WWOX: variants seen among roughly 807,000 people sequenced by gnomAD.
The protein encoded by WWOX is WW domain containing oxidoreductase, also known as WW domain-containing oxidoreductase.
A neutral mutation model predicts 46.2 loss-of-function variants in WWOX; 69 were observed. The observed-to-expected ratio is 1.49, with a 90% confidence interval of 1.23 to 1.82. The LOEUF (loss-of-function observed/expected upper bound fraction) is 1.82. Ranked by LOEUF, WWOX falls within the 40% of genes most tolerant of loss-of-function variation. The pLI is 0.00. For synonymous variants in WWOX, 359 were observed against 202.6 expected (o/e 1.77, Z -6.56); for missense variants, 919 against 542.6 (o/e 1.69, Z -6.89).
At chr16:78,126,488 G>A (rs968594079) in intron 4 of WWOX, among the ~76,000 whole-genome samples, 49 of 152,218 alleles carry the variant, frequency 3.2e-4, no homozygotes, top group African/African-American at 1.2e-3. Context: ...GTTTTTTAAC[G>A]AATTGCCCTT....
chr16:79,030,923 A>G (rs889794165), intron 8 of WWOX, among the ~76,000 whole-genome samples: 1 of 151,956 alleles, frequency 6.6e-6, no homozygotes, highest in Non-Finnish European at 1.5e-5. Context: ...GTCTCTACAA[A>G]AAGTAAAAAA....
chr16:78,908,809 G>A (rs1195613036), intron 8 of WWOX, among the ~76,000 whole-genome samples: 2 of 152,196 alleles, frequency 1.3e-5, no homozygotes, highest in Non-Finnish European at 2.9e-5. Context: ...GGTGCCAGCT[G>A]ATCCATCAAT....
chr16:78,817,172 C>A (rs112425780), intron 8 of WWOX, among the ~76,000 whole-genome samples: 9 of 51,582 alleles, frequency 1.7e-4, no homozygotes, highest in African/African-American at 3.7e-4. Context: ...TAGTGCTATT[C>A]TTTTTTTTTT....
chr16:78,929,332 G>T (rs920403457), intron 8 of WWOX, among the ~76,000 whole-genome samples: 1 of 151,632 alleles, frequency 6.6e-6, no homozygotes, highest in Non-Finnish European at 1.5e-5. Flanking sequence ...GCAAATACTT[G>T]AATTTTCAGT....
At chr16:78,110,089 C>T (rs546303185) in intron 3 of WWOX, among the ~76,000 whole-genome samples, 9 of 151,458 alleles carry the variant, frequency 5.9e-5, no homozygotes, top group Non-Finnish European at 1.3e-4. Context: ...TGCCTGTAAT[C>T]CCAGCACTTT....
chr16:78,776,002 T>C (rs2050181766), intron 8 of WWOX, among the ~76,000 whole-genome samples: 1 of 152,202 alleles, frequency 6.6e-6, no homozygotes. Flanking sequence ...TATTTATTTT[T>C]CTCTGCAGGA....
At chr16:78,969,729 A>G (rs990573546) in intron 8 of WWOX, among the ~76,000 whole-genome samples, 1 of 152,210 alleles carries the variant, frequency 6.6e-6, no homozygotes, top group Non-Finnish European at 1.5e-5. Context: ...CATTGTACTA[A>G]TCAAAAAAGC....
intron 8 of WWOX, among the ~76,000 whole-genome samples, chr16:78,703,321 A>T (rs1436321075): frequency 6.6e-6 from 1 of 152,154 alleles, no homozygotes; most frequent in Admixed American, 6.6e-5. Flanking sequence ...ATTTCTAACA[A>T]AATGGGAGTT....
intron 8 of WWOX, chr16:78,898,496 A>C (rs1479719630): frequency 6.6e-6 from 1 of 152,104 alleles, no homozygotes; most frequent in South Asian, 2.1e-4. Flanking sequence ...CCATTGATCT[A>C]ATTTTTTTTC....
intron 8 of WWOX, chr16:78,535,590 A>AT (rs904505932): frequency 4.6e-5 from 7 of 152,266 alleles, no homozygotes; most frequent in African/African-American, 1.2e-4. Context: ...CCTTTGAAAT[A>AT]TTTTTTTGAA....
At chr16:78,114,930 T>C in intron 3 of WWOX, 46 bp from the exon 4 acceptor site, 1 of 1,612,344 alleles carries the variant, frequency 6.2e-7, no homozygotes, top group South Asian at 1.1e-5. Context: ...TATTTATAAA[T>C]GCCTGTGTTC....
intron 8 of WWOX, among the ~76,000 whole-genome samples, chr16:78,684,854 C>T (rs1045310200): frequency 6.6e-6 from 1 of 152,188 alleles, no homozygotes; most frequent in Non-Finnish European, 1.5e-5. Context: ...CCAGGAAATA[C>T]ACTTGTAATT....
intron 5 of WWOX, among the ~76,000 whole-genome samples, chr16:78,322,555 G>A (rs1189514087): frequency 6.6e-6 from 1 of 152,224 alleles, no homozygotes; most frequent in Non-Finnish European, 1.5e-5. Flanking sequence ...CTTGCCCCTA[G>A]CATCGTACAG....
intron 8 of WWOX, among the ~76,000 whole-genome samples, chr16:78,594,954 T>A (rs1332009261): frequency 1.3e-5 from 2 of 152,190 alleles, no homozygotes; most frequent in Non-Finnish European, 2.9e-5. Flanking sequence ...AAAGCAGTGA[T>A]TTCCTTTCAC....
chr16:78,413,123 A>T (rs1315735398), intron 6 of WWOX, among the ~76,000 whole-genome samples: 1 of 152,200 alleles, frequency 6.6e-6, no homozygotes, highest in Non-Finnish European at 1.5e-5. Flanking sequence ...TACTGCAAAT[A>T]GAGAAAGAAT....
chr16:78,634,825 AGAGAGAGAGAGAGTGTGTGT>A (rs1326166206), intron 8 of WWOX, among the ~76,000 whole-genome samples: 37 of 109,310 alleles, frequency 3.4e-4, no homozygotes, highest in Non-Finnish European at 6.1e-4. Context: ...AGAGAGAGAG[AGAGAGAGAGAGAGTGTGTGT>A]GTGTGTGTGT....
intron 8 of WWOX, among the ~76,000 whole-genome samples, chr16:78,769,588 C>G: frequency 8.3e-6 from 1 of 120,850 alleles, no homozygotes. Flanking sequence ...TTTATTTTTA[C>G]CATGTCTGTT....
At chr16:78,515,085 C>T (rs1207770632) in intron 8 of WWOX, among the ~76,000 whole-genome samples, 1 of 152,024 alleles carries the variant, frequency 6.6e-6, no homozygotes, top group African/African-American at 2.4e-5. Flanking sequence ...TTAGCTGAAC[C>T]TGGTGGTTCA....
At chr16:78,708,036 G>A (rs1468123705) in intron 8 of WWOX, among the ~76,000 whole-genome samples, 1 of 151,998 alleles carries the variant, frequency 6.6e-6, no homozygotes, top group African/African-American at 2.4e-5. Flanking sequence ...ATAGAATACA[G>A]GACACCTGGC....
Sources: gnomAD v4.1 joint callset for allele counts (sites outside exome capture counted in the v4.1 genomes callset) on GRCh38, gnomAD v4.1.1 for gene constraint, MANE v1.5 for transcripts, NCBI Gene and HGNC (gene_info 2026-07-23, HGNC 2026-07-21) for gene names.